Variants in CLVS1 observed in about 807,000 individuals in gnomAD.
The protein encoded by CLVS1 is clavesin-1.
In CLVS1, 10 loss-of-function variants were observed where a neutral mutation model predicts 33.1. The ratio of observed to expected loss-of-function variants is 0.30; its 90% CI spans 0.19 to 0.51. CLVS1 has a LOEUF of 0.51. Among genes scored for constraint, CLVS1 ranks in the 20% least tolerant of loss-of-function variants. The probability of loss-of-function intolerance (pLI) is 0.97; values close to 1 mark genes in which losing one functional copy is unlikely to be tolerated. For missense variants in CLVS1, 343 were observed against 433.4 expected, an observed-to-expected ratio of 0.79 and a Z score of 1.85; for synonymous variants, 163 against 166.1, an observed-to-expected ratio of 0.98 and a Z score of 0.14.
At chr8:61,414,597 T>G (rs1815359953) in intron 3 of CLVS1, among the ~76,000 whole-genome samples, 1 of 152,128 alleles carries the variant, frequency 6.6e-6, no homozygotes, top group Non-Finnish European at 1.5e-5. Flanking sequence ...TGCGAGTAGG[T>G]CAGAGTCTCC....
chr8:61,231,935 A>C (rs763495506), intron 2 of CLVS1, among the ~76,000 whole-genome samples: 1 of 150,284 alleles, frequency 6.7e-6, no homozygotes, highest in Admixed American at 6.6e-5. Flanking sequence ...AGTGCCCTCT[A>C]TGCATGTATT....
chr8:61,407,330 T>G (rs2129603850), intron 3 of CLVS1, among the ~76,000 whole-genome samples: 1 of 152,334 alleles, frequency 6.6e-6, no homozygotes, highest in Non-Finnish European at 1.5e-5. Flanking sequence ...AAGTGTTATT[T>G]CTAAAAAGGG....
chr8:61,320,067 A>T (rs1334376615), intron 2 of CLVS1, among the ~76,000 whole-genome samples: 1 of 152,082 alleles, frequency 6.6e-6, no homozygotes, highest in East Asian at 1.9e-4. Context: ...TCCAGCATTT[A>T]TTATAGTTTC....
the CLVS1 span, among the ~76,000 whole-genome samples, chr8:60,972,111 GTC>G: frequency 6.6e-6 from 1 of 152,054 alleles, no homozygotes; most frequent in Non-Finnish European, 1.5e-5. Context: ...TGGCCTCTCT[GTC>G]TCTGTCTTTG....
chr8:61,336,831 CAAAAAATG>C (rs1164696898), intron 2 of CLVS1, among the ~76,000 whole-genome samples: 1 of 151,318 alleles, frequency 6.6e-6, no homozygotes, highest in Non-Finnish European at 1.5e-5. Flanking sequence ...TAAGAAAGGG[CAAAAAATG>C]AGTGTCATCT....
chr8:61,053,720 G>C (rs1027368659), upstream of CLVS1, among the ~76,000 whole-genome samples: 4 of 152,186 alleles, frequency 2.6e-5, no homozygotes, highest in African/African-American at 9.7e-5. Context: ...TATTGGTTTA[G>C]AGATAAGCAT....
chr8:61,020,709 A>G, the CLVS1 span, among the ~76,000 whole-genome samples: 1 of 152,258 alleles, frequency 6.6e-6, no homozygotes, highest in Non-Finnish European at 1.5e-5. Context: ...TTGAGAAGAC[A>G]TAGCTTGCTT....
chr8:61,058,992 G>A (rs1044381366), intron 1 of CLVS1, among the ~76,000 whole-genome samples: 5 of 152,090 alleles, frequency 3.3e-5, no homozygotes, highest in African/African-American at 1.2e-4. Flanking sequence ...TACAAATAGA[G>A]CTTCAATGAA....
At chr8:61,111,460 A>G (rs1805627415) in intron 1 of CLVS1, among the ~76,000 whole-genome samples, 1 of 152,242 alleles carries the variant, frequency 6.6e-6, no homozygotes, top group South Asian at 2.1e-4. Context: ...TTGGGACAAA[A>G]TAATTGGGAA....
At chr8:60,974,572 T>A in the CLVS1 span, among the ~76,000 whole-genome samples, 814 of 152,324 alleles carry the variant, frequency 5.3e-3, 8 homozygotes, top group African/African-American at 0.018. Context: ...AGTATGACTC[T>A]CTGATTCTTT....
chr8:61,116,930 G>A (rs1381620382), intron 1 of CLVS1, among the ~76,000 whole-genome samples: 3 of 146,152 alleles, frequency 2.1e-5, no homozygotes, highest in Non-Finnish European at 4.5e-5. Flanking sequence ...AGCTTGATGG[G>A]GATGGCATTG....
At chr8:61,368,960 A>AT (rs1260936030) in intron 2 of CLVS1, among the ~76,000 whole-genome samples, 15 of 151,880 alleles carry the variant, frequency 9.9e-5, no homozygotes, top group Non-Finnish European at 2.2e-4. Flanking sequence ...TGCTTGCAGG[A>AT]TTTTTTCTTT....
intron 2 of CLVS1, among the ~76,000 whole-genome samples, chr8:61,137,361 C>G (rs1315099031): frequency 6.6e-6 from 1 of 152,180 alleles, no homozygotes; most frequent in African/African-American, 2.4e-5. Context: ...GAGTTTGAAT[C>G]TTGGTGCTAT....
At chr8:61,199,247 A>C (rs1807678781) in intron 2 of CLVS1, among the ~76,000 whole-genome samples, 1 of 152,232 alleles carries the variant, frequency 6.6e-6, no homozygotes, top group Non-Finnish European at 1.5e-5. Context: ...AAAGCCAAAA[A>C]TAAATAAATG....
chr8:61,116,732 C>T (rs540028389), intron 1 of CLVS1, among the ~76,000 whole-genome samples: 10 of 144,530 alleles, frequency 6.9e-5, no homozygotes, highest in Middle Eastern at 3.5e-3. Context: ...TGATCTATAT[C>T]TCTGTTTTGG....
chr8:61,453,061 C>G (rs974701846), intron 3 of CLVS1, among the ~76,000 whole-genome samples: 34 of 151,146 alleles, frequency 2.2e-4, no homozygotes, highest in Admixed American at 6.6e-5. Context: ...GCCAGACTCC[C>G]TCGGCTTTCA....
the CLVS1 span, among the ~76,000 whole-genome samples, chr8:61,037,233 T>C: frequency 2.6e-5 from 4 of 152,166 alleles, no homozygotes; most frequent in Admixed American, 1.3e-4. Flanking sequence ...ACTTACATTT[T>C]TGCACAATTA....
At chr8:61,004,631 G>A in the CLVS1 span, among the ~76,000 whole-genome samples, 3 of 152,280 alleles carry the variant, frequency 2.0e-5, no homozygotes, top group South Asian at 2.1e-4. Flanking sequence ...CAGAGTGACC[G>A]CCAGGAAGCA....
At chr8:61,207,206 A>C (rs916209229) in intron 2 of CLVS1, among the ~76,000 whole-genome samples, 1 of 152,274 alleles carries the variant, frequency 6.6e-6, no homozygotes, top group Non-Finnish European at 1.5e-5. Flanking sequence ...TGAAGACTCA[A>C]CAGTGAAGTT....
Sources: gnomAD v4.1 joint callset for allele counts (sites outside exome capture counted in the v4.1 genomes callset) on GRCh38, gnomAD v4.1.1 for gene constraint, MANE v1.5 for transcripts, NCBI Gene and HGNC (gene_info 2026-07-23, HGNC 2026-07-21) for gene names.